GALNT13: variants seen among roughly 807,000 people sequenced by gnomAD.
GALNT13 encodes UDP-GalNAc:polypeptide N-acetylgalactosaminyltransferase 13.
Under a neutral mutation model 64.2 loss-of-function variants are expected in GALNT13, and 28 were observed. That is an observed-to-expected ratio of 0.44 (90% CI 0.32 to 0.60). GALNT13 has a LOEUF of 0.60. Among genes scored for constraint, GALNT13 ranks in the 20% least tolerant of loss-of-function variants. The probability of loss-of-function intolerance (pLI) is 0.05; values close to 1 mark genes in which losing one functional copy is unlikely to be tolerated. For synonymous variants in GALNT13, 214 were observed against 224.6 expected (o/e 0.95, Z 0.42); for missense variants, 577 against 669.8 (o/e 0.86, Z 1.53).
At chr2:153,119,159 A>G in the GALNT13 span, among the ~76,000 whole-genome samples, 1 of 152,126 alleles carries the variant, frequency 6.6e-6, no homozygotes, top group Non-Finnish European at 1.5e-5. Context: ...TTGTGAGTCA[A>G]TTAAACCTCT....
At chr2:154,186,476 G>T (rs932934395) in intron 4 of GALNT13, among the ~76,000 whole-genome samples, 3 of 152,090 alleles carry the variant, frequency 2.0e-5, no homozygotes, top group Non-Finnish European at 4.4e-5. Flanking sequence ...GGGAGGTGAA[G>T]AATTTAATGA....
At chr2:154,280,128 G>T (rs967228264) in intron 8 of GALNT13, among the ~76,000 whole-genome samples, 2 of 152,126 alleles carry the variant, frequency 1.3e-5, no homozygotes, top group African/African-American at 4.8e-5. Context: ...CAGGAGAAAG[G>T]CATCCTGTCT....
chr2:153,234,671 C>A, the GALNT13 span, among the ~76,000 whole-genome samples: 1 of 152,154 alleles, frequency 6.6e-6, no homozygotes, highest in Non-Finnish European at 1.5e-5. Flanking sequence ...GCCTCCAAAG[C>A]ATGGGTCTAC....
intron 8 of GALNT13, among the ~76,000 whole-genome samples, chr2:154,283,575 C>A (rs1322440532): frequency 2.9e-5 from 2 of 68,772 alleles, no homozygotes; most frequent in African/African-American, 9.7e-5. Context: ...GAGACTCCGT[C>A]TCAAAAAAAA....
intron 9 of GALNT13, among the ~76,000 whole-genome samples, chr2:154,394,717 C>G (rs909796880): frequency 1.3e-5 from 2 of 152,102 alleles, no homozygotes; most frequent in Non-Finnish European, 2.9e-5. Context: ...ATTGGAAGTT[C>G]TGAATAGAAT....
intron 1 of GALNT13, among the ~76,000 whole-genome samples, chr2:153,895,712 T>G (rs2105278907): frequency 6.6e-6 from 1 of 152,214 alleles, no homozygotes; most frequent in South Asian, 2.1e-4. Flanking sequence ...AAAATATGGT[T>G]TAACAAGTTT....
the GALNT13 span, among the ~76,000 whole-genome samples, chr2:153,691,896 G>A: frequency 5.3e-5 from 8 of 151,924 alleles, no homozygotes; most frequent in East Asian, 1.9e-4. Flanking sequence ...ACAGAAATCC[G>A]TACTGATATT....
chr2:153,483,410 CTTTTTTTTTTTT>C, the GALNT13 span, among the ~76,000 whole-genome samples: 10 of 71,792 alleles, frequency 1.4e-4, no homozygotes, highest in African/African-American at 3.8e-4. Flanking sequence ...GAATAAAATT[CTTTTTTTTTTTT>C]TTTTTTTTTT....
At chr2:153,451,614 C>T in the GALNT13 span, among the ~76,000 whole-genome samples, 8 of 152,302 alleles carry the variant, frequency 5.3e-5, no homozygotes, top group South Asian at 4.1e-4. Flanking sequence ...TAATGCACTC[C>T]GATGTGCTCC....
intron 4 of GALNT13, among the ~76,000 whole-genome samples, chr2:154,181,598 G>T (rs760305670): frequency 1.3e-5 from 2 of 151,908 alleles, no homozygotes; most frequent in Non-Finnish European, 2.9e-5. Context: ...TATATTTATA[G>T]TCTTTAAAGT....
chr2:153,731,722 G>A, the GALNT13 span, among the ~76,000 whole-genome samples: 1 of 151,870 alleles, frequency 6.6e-6, no homozygotes, highest in African/African-American at 2.4e-5. Flanking sequence ...CGAAAAATTG[G>A]CATAGGAAAT....
the GALNT13 span, among the ~76,000 whole-genome samples, chr2:153,795,746 C>T: frequency 6.6e-6 from 1 of 152,136 alleles, no homozygotes; most frequent in African/African-American, 2.4e-5. Flanking sequence ...ACCATCAGTT[C>T]TGTTGACTTG....
the GALNT13 span, among the ~76,000 whole-genome samples, chr2:153,749,607 T>C: frequency 6.6e-6 from 1 of 152,038 alleles, no homozygotes; most frequent in East Asian, 1.9e-4. Flanking sequence ...CTATTGTAAA[T>C]GGGATTCCTT....
At chr2:153,274,910 G>A in the GALNT13 span, among the ~76,000 whole-genome samples, 1 of 152,264 alleles carries the variant, frequency 6.6e-6, no homozygotes, top group Admixed American at 6.5e-5. Context: ...TCTTTACACA[G>A]ACTGTGGGTG....
chr2:153,425,051 T>A, the GALNT13 span, among the ~76,000 whole-genome samples: 8 of 151,802 alleles, frequency 5.3e-5, no homozygotes, highest in Admixed American at 2.0e-4. Flanking sequence ...TAAAATTTTA[T>A]ACATGAAAAT....
At chr2:153,489,039 ATGTTC>A in the GALNT13 span, among the ~76,000 whole-genome samples, 1 of 152,334 alleles carries the variant, frequency 6.6e-6, no homozygotes, top group East Asian at 1.9e-4. Flanking sequence ...CAAATACTGC[ATGTTC>A]TCACTTATAA....
chr2:153,097,135 A>C, the GALNT13 span, among the ~76,000 whole-genome samples: 1 of 152,166 alleles, frequency 6.6e-6, no homozygotes, highest in African/African-American at 2.4e-5. Flanking sequence ...AACAAGCAAA[A>C]GGAAAACTAA....
the GALNT13 span, among the ~76,000 whole-genome samples, chr2:153,257,824 A>G: frequency 6.6e-6 from 1 of 152,222 alleles, no homozygotes; most frequent in Non-Finnish European, 1.5e-5. Context: ...ATAGGACACA[A>G]TTGGAGGAAC....
At chr2:153,202,025 C>T in the GALNT13 span, among the ~76,000 whole-genome samples, 2 of 144,490 alleles carry the variant, frequency 1.4e-5, no homozygotes, top group Non-Finnish European at 3.0e-5. Flanking sequence ...TCGCCCAGGC[C>T]GGACTGCGGA....
Sources: gnomAD v4.1 joint callset for allele counts (sites outside exome capture counted in the v4.1 genomes callset) on GRCh38, gnomAD v4.1.1 for gene constraint, MANE v1.5 for transcripts, NCBI Gene and HGNC (gene_info 2026-07-23, HGNC 2026-07-21) for gene names.